TRAPPC13: variants seen among roughly 807,000 people sequenced by gnomAD.
TRAPPC13 encodes REV7-interacting novel NHEJ regulator 1.
Under a neutral mutation model 54.0 loss-of-function variants are expected in TRAPPC13, and 39 were observed. The ratio of observed to expected loss-of-function variants is 0.72; its 90% CI spans 0.56 to 0.94. The LOEUF is 0.94. Among genes scored for constraint, TRAPPC13 ranks in the 40% least tolerant of loss-of-function variants. The pLI is 0.00. For synonymous variants in TRAPPC13, 148 were observed against 167.7 expected, an observed-to-expected ratio of 0.88 and a Z score of 0.91; for missense variants, 386 against 488.1, an observed-to-expected ratio of 0.79 and a Z score of 1.97.
At chr5:65,654,218 A>G (rs1286682584) in intron 7 of TRAPPC13, among the ~76,000 whole-genome samples, 1 of 152,174 alleles carries the variant, frequency 6.6e-6, no homozygotes, top group African/African-American at 2.4e-5. Context: ...TGCTCTCCAT[A>G]AAGAAATAAA....
Position 65,660,716 on chromosome 5 carries a change from C to A in TRAPPC13, c.716C>A (p.Ser239Ter). 1 of 1,609,302 alleles carries A rather than the reference C, an allele frequency of 6.2e-7. No individual in the cohort carries two copies. The highest frequency in any genetic ancestry group is 1.1e-5 in the South Asian group (1 of 90,238). The change falls in exon 10 of 13, where the codon TCA (serine) becomes TAA (stop). Residue 239 changes from serine (S) to a stop codon, truncating the protein, a stop_gained. Coordinates refer to ENST00000399438, the MANE Select transcript of TRAPPC13 (RefSeq NM_024941.4). LOFTEE classifies it high-confidence loss of function. Reference sequence around the variant, plus strand: ...CCTCTCAGTGTGTCTACGTTTGGGTCAAGAGCATATTTGCAACCAATGGAT... The same window carrying A: ...CCTCTCAGTGTGTCTACGTTTGGGTAAAGAGCATATTTGCAACCAATGGAT... ...QAGECVSTFG[S>*]RAYLQPMDTR...
rs1165751701 is a variant in TRAPPC13, at chr5:65,664,377, G to A, written c.1139G>A (p.Gly380Glu). ...LALTLLSSVQ[G>E]LQSISGLRLT... Reference sequence around the variant, plus strand: ...CTTACTCTGCTTTCTTCAGTACAGGGACTGCAAGTATGCTGTCTTTTCAAA... The same window carrying A: ...CTTACTCTGCTTTCTTCAGTACAGGAACTGCAAGTATGCTGTCTTTTCAAA... The change falls in exon 12 of 13, where the codon GGA (glycine) becomes GAA (glutamate). Residue 380 changes from glycine (G) to glutamate (E), a missense_variant. Transcript: ENST00000399438. 2.5e-6 allele frequency: 4 copies of A among 1,611,270 alleles called. No individual in the cohort carries two copies. The highest frequency in any genetic ancestry group is 3.4e-6 in the Non-Finnish European group (4 of 1,179,104).
chr5:65,641,660 A>G (rs1444242718), intron 4 of TRAPPC13, among the ~76,000 whole-genome samples: 3 of 151,554 alleles, frequency 2.0e-5, no homozygotes, highest in South Asian at 2.1e-4. Context: ...GCAGTGAGCT[A>G]TAATTGTGCC....
chr5:65,654,066 C>T (rs1358801844), intron 7 of TRAPPC13, among the ~76,000 whole-genome samples: 1 of 152,012 alleles, frequency 6.6e-6, no homozygotes, highest in African/African-American at 2.4e-5. Context: ...GTCACATATT[C>T]AGTTATTTTA....
chr5:65,650,292 G>A (rs1217431740), intron 5 of TRAPPC13, among the ~76,000 whole-genome samples: 1 of 150,730 alleles, frequency 6.6e-6, no homozygotes, highest in African/African-American at 2.4e-5. Flanking sequence ...CTCCTGAGTA[G>A]CTGGGATTAC....
intron 7 of TRAPPC13, among the ~76,000 whole-genome samples, chr5:65,655,151 C>T (rs1756605304): frequency 6.6e-6 from 1 of 152,224 alleles, no homozygotes; most frequent in African/African-American, 2.4e-5. Flanking sequence ...TTCAGCCCCA[C>T]ATTCCCTGAA....
intron 1 of TRAPPC13, among the ~76,000 whole-genome samples, chr5:65,629,108 T>C (rs2150659986): frequency 6.6e-6 from 1 of 152,326 alleles, no homozygotes; most frequent in East Asian, 1.9e-4. Context: ...TTAATTCATA[T>C]GAAAACAATA....
chr5:65,664,747 AAATATTT>A lies in TRAPPC13; in HGVS notation c.*137_*143del. On this transcript the variant is annotated 3_prime_UTR_variant, in exon 13 of 13. Coordinates refer to ENST00000399438, the MANE Select transcript of TRAPPC13 (RefSeq NM_024941.4). ...TTTCCTGTAAAATGGTTAAAATATT[AAATATTT>A]GTTTTGAAGAGATCTGATTTTATCT... is the stretch of plus-strand genomic sequence containing the variant. 3 of 672,976 alleles carry A rather than the reference AAATATTT, an allele frequency of 4.5e-6. No individual in the cohort carries two copies. Among genetic ancestry groups the A allele is most frequent in the Non-Finnish European group, 7.7e-6 (3 of 388,188 alleles). 41.7% of individuals were successfully genotyped at this position (672,976 alleles called of 1,614,324 possible).
Position 65,662,062 on chromosome 5 carries a change from G to T in TRAPPC13, c.910G>T (p.Gly304Ter). ...SQLQRMAPGY[G>*]DVRLSLEAIP... ...CTTGTTTTCTTAGGCTCCAGGTTAT[G>T]GAGATGTTAGGTTGTCTTTGGAGGC... Residue 304 changes from glycine to a stop codon, truncating the protein, a stop_gained, in exon 11 of 13, where the codon GGA becomes TGA. Transcript: ENST00000399438. LOFTEE classifies it high-confidence loss of function. 1 of 1,604,826 alleles carries T rather than the reference G, an allele frequency of 6.2e-7. No homozygotes were observed. The highest frequency in any genetic ancestry group is 1.3e-5 in the African/African-American group (1 of 74,354).
intron 10 of TRAPPC13, 105 bp downstream of exon 10, chr5:65,661,002 A>G: frequency 1.1e-6 from 1 of 890,772 alleles, no homozygotes; most frequent in African/African-American, 1.7e-5. Context: ...GAGCACTATA[A>G]AAGGCATTAC....
chr5:65,646,531 CT>C (rs907003530), intron 4 of TRAPPC13, among the ~76,000 whole-genome samples: 20 of 151,484 alleles, frequency 1.3e-4, no homozygotes, highest in South Asian at 2.1e-4. Context: ...TTATTTGTAC[CT>C]TTTTTTTTCT....
intron 1 of TRAPPC13, 160 bp downstream of exon 1, chr5:65,625,266 C>T: frequency 1.5e-6 from 1 of 648,092 alleles, no homozygotes; most frequent in Non-Finnish European, 2.8e-6. Flanking sequence ...CTCCTGGATG[C>T]TTTTTAGGTT....
At chr5:65,655,728 C>A in intron 8 of TRAPPC13, 75 bp downstream of exon 8, 1 of 517,264 alleles carries the variant, frequency 1.9e-6, no homozygotes, top group Non-Finnish European at 3.0e-6. Flanking sequence ...ATTAATCTCT[C>A]TTTACAAAAC....
chr5:65,628,661 G>A (rs1054658506), intron 1 of TRAPPC13, among the ~76,000 whole-genome samples: 2 of 151,526 alleles, frequency 1.3e-5, no homozygotes, highest in Non-Finnish European at 2.9e-5. Context: ...TAGTAGAGCC[G>A]GAGTTTCACC....
chr5:65,630,181 A>G, intron 1 of TRAPPC13: 3 of 1,536,052 alleles, frequency 2.0e-6, no homozygotes, highest in Non-Finnish European at 2.6e-6. Flanking sequence ...ATGAACTTCC[A>G]TCTTGTAATG....
chr5:65,627,074 G>A (rs1397772456), intron 1 of TRAPPC13, among the ~76,000 whole-genome samples: 2 of 140,932 alleles, frequency 1.4e-5, no homozygotes, highest in African/African-American at 5.4e-5. Flanking sequence ...AGAGGCTGCA[G>A]TGAGCTGAGA....
intron 3 of TRAPPC13, 26 bp from the exon 4 acceptor site, chr5:65,637,670 G>T (rs557777349): frequency 2.3e-6 from 3 of 1,310,088 alleles, no homozygotes; most frequent in African/African-American, 1.5e-5. Flanking sequence ...ATGGATTTCT[G>T]CCTAAATACT....
chr5:65,649,191 G>A (rs888052256), intron 5 of TRAPPC13, among the ~76,000 whole-genome samples: 1 of 151,448 alleles, frequency 6.6e-6, no homozygotes, highest in African/African-American at 2.4e-5. Flanking sequence ...TCTTCAGCCT[G>A]GGTGACACAG....
At chr5:65,636,991 AAATACCCC>A (rs1755772054) in intron 3 of TRAPPC13, among the ~76,000 whole-genome samples, 2 of 152,248 alleles carry the variant, frequency 1.3e-5, no homozygotes, top group South Asian at 4.1e-4. Flanking sequence ...AAATTGGTAA[AAATACCCC>A]AATATCAGTA....
Sources: gnomAD v4.1 joint callset for allele counts (sites outside exome capture counted in the v4.1 genomes callset) on GRCh38, gnomAD v4.1.1 for gene constraint, MANE v1.5 for transcripts, NCBI Gene and HGNC (gene_info 2026-07-23, HGNC 2026-07-21) for gene names.